Variants in TUSC3 observed in about 807,000 individuals in gnomAD.
TUSC3 encodes the protein dolichyl-diphosphooligosaccharide--protein glycosyltransferase subunit TUSC3.
TUSC3 carries 45 observed loss-of-function variants against 44.8 expected under a neutral mutation model. The observed-to-expected ratio is 1.00, with a 90% confidence interval of 0.79 to 1.29. The LOEUF (loss-of-function observed/expected upper bound fraction) is 1.29, where lower values mean the gene tolerates loss of function less well. Among genes scored for constraint, TUSC3 ranks in the 50% most tolerant of loss-of-function variants. The pLI is 0.00. For synonymous variants in TUSC3, 212 were observed against 152.9 expected (o/e 1.39, Z -2.85); for missense variants, 519 against 437.9 (o/e 1.19, Z -1.65).
chr8:15,584,236 T>C lies in TUSC3; in HGVS notation c.139-38844T>C, dbSNP rs958472265. ...CAATGTGTTGGCGTGTAGTTAGTTA[T>C]AAAATTATCAGTCTCAGCACAACAT... On this transcript the variant is annotated intron_variant, in intron 1 of 10. Transcript: ENST00000503731. Among the ~76,000 whole-genome samples, 42 of 152,344 alleles carry C rather than the reference T, an allele frequency of 2.8e-4. 1 individual carries two copies. The highest frequency in any genetic ancestry group is 8.8e-5 in the Non-Finnish European group (6 of 68,032).
chr8:15,739,569 G>C (rs1352034078), intron 7 of TUSC3, among the ~76,000 whole-genome samples: 1 of 152,110 alleles, frequency 6.6e-6, no homozygotes, highest in African/African-American at 2.4e-5. Flanking sequence ...ATGATTTAAA[G>C]CAGCGTGAAA....
chr8:15,764,092 A>G lies in TUSC3; in HGVS notation c.*47-111A>G, dbSNP rs145862013. 6.3e-4 allele frequency: 703 copies of G among 1,119,302 alleles called. 4 individuals carry two copies. In the African/African-American group the frequency reaches 0.01, roughly 17 times the overall value. The allele number at this position is 1,119,302 out of a possible 1,614,324, so 69.3% of individuals were successfully genotyped here. A position where few individuals can be genotyped will look rare whatever the true frequency, so the allele number is the denominator to read the frequency against. ...AAATTACAATTAGTTGAATACAATT[A>G]TGACATTTTAATGTTATATTTACAT... On this transcript the variant is annotated intron_variant, in intron 10 of 10. Transcript: ENST00000503731.
chr8:15,440,105 C>T (rs1800001212), intron 1 of TUSC3, among the ~76,000 whole-genome samples: 1 of 152,092 alleles, frequency 6.6e-6, no homozygotes, highest in African/African-American at 2.4e-5. Context: ...GAGATAATTG[C>T]CCTGAAAGAA....
intron 1 of TUSC3, among the ~76,000 whole-genome samples, chr8:15,547,402 TA>T (rs1165176350): frequency 6.6e-6 from 1 of 151,692 alleles, no homozygotes; most frequent in Non-Finnish European, 1.5e-5. Flanking sequence ...ACAGTAAAAC[TA>T]AAGGTCATAA....
At chr8:15,563,313 G>A (rs1802546373) in intron 1 of TUSC3, among the ~76,000 whole-genome samples, 1 of 152,092 alleles carries the variant, frequency 6.6e-6, no homozygotes, top group African/African-American at 2.4e-5. Flanking sequence ...GCAATGGTGT[G>A]AACCTGTTAA....
intron 1 of TUSC3, among the ~76,000 whole-genome samples, chr8:15,435,562 C>G (rs929981270): frequency 1.3e-5 from 2 of 152,130 alleles, no homozygotes; most frequent in Non-Finnish European, 2.9e-5. Flanking sequence ...TTTCCAATTT[C>G]CAACATCATG....
chr8:15,729,693 C>A (rs115044169), intron 6 of TUSC3, among the ~76,000 whole-genome samples: 3,396 of 152,022 alleles, frequency 0.022, 97 homozygotes, highest in African/African-American at 0.076. Flanking sequence ...GAACAGTAGA[C>A]CCTGGGGCTT....
intron 6 of TUSC3, among the ~76,000 whole-genome samples, chr8:15,728,997 A>C (rs779111745): frequency 1.3e-5 from 2 of 151,978 alleles, no homozygotes; most frequent in Non-Finnish European, 2.9e-5. Context: ...GGATTTGGTA[A>C]TGGGGGAGTC....
At chr8:15,850,370 T>C in the TUSC3 span, among the ~76,000 whole-genome samples, 1 of 152,214 alleles carries the variant, frequency 6.6e-6, no homozygotes, top group Non-Finnish European at 1.5e-5. Context: ...GTTGATTATA[T>C]AAATGGCTAT....
chr8:15,744,042 T>C (rs909870746), intron 8 of TUSC3, among the ~76,000 whole-genome samples: 3 of 152,188 alleles, frequency 2.0e-5, no homozygotes, highest in African/African-American at 7.2e-5. Context: ...GCATAGGTAT[T>C]GTACAGTGAG....
upstream of TUSC3, among the ~76,000 whole-genome samples, chr8:15,538,588 A>C (rs897932742): frequency 2.0e-5 from 3 of 152,184 alleles, no homozygotes; most frequent in Non-Finnish European, 4.4e-5. Context: ...GTTGTTGTGG[A>C]GCAAGCGTTC....
At chr8:15,479,623 A>G (rs747846210) in intron 1 of TUSC3, among the ~76,000 whole-genome samples, 6 of 152,094 alleles carry the variant, frequency 3.9e-5, no homozygotes, top group Admixed American at 1.3e-4. Context: ...TCAGATGTCT[A>G]TTCTGTTCCA....
chr8:15,728,650 C>A (rs555516201), intron 6 of TUSC3, among the ~76,000 whole-genome samples: 2 of 152,040 alleles, frequency 1.3e-5, no homozygotes, highest in Admixed American at 6.6e-5. Flanking sequence ...TCAGGAGTTT[C>A]GTTTTAGCTG....
At chr8:15,611,900 T>A (rs567019974) in intron 1 of TUSC3, among the ~76,000 whole-genome samples, 1 of 152,346 alleles carries the variant, frequency 6.6e-6, no homozygotes, top group South Asian at 2.1e-4. Flanking sequence ...GAAGATAACT[T>A]TTCTACTAAA....
rs147930070 is a variant in TUSC3 at position 15,482,253 on chromosome 8, C to T, written n.92-1133C>T. On this transcript the variant is annotated intron_variant and non_coding_transcript_variant, in intron 1 of 5. Transcript: ENST00000503191. ...CACAATTCCAGTTAAACTTCCTCCACTGAAGTCTTGAGCCCCTCAATGTCA... is the reference window on the plus strand; with the variant it reads ...CACAATTCCAGTTAAACTTCCTCCATTGAAGTCTTGAGCCCCTCAATGTCA... Among the ~76,000 whole-genome samples the T allele has an allele frequency of 1.8e-3, 278 of 152,330 alleles. 1 individual carries two copies. The highest frequency in any genetic ancestry group is 6.2e-3 in the African/African-American group (259 of 41,592).
intron 9 of TUSC3, among the ~76,000 whole-genome samples, chr8:15,750,230 C>T (rs971645586): frequency 5.9e-5 from 9 of 152,138 alleles, no homozygotes; most frequent in Admixed American, 1.3e-4. Flanking sequence ...CCACCCACCT[C>T]GGCCTCCCAA....
chr8:15,463,539 T>C (rs959771904), intron 1 of TUSC3, among the ~76,000 whole-genome samples: 1 of 152,150 alleles, frequency 6.6e-6, no homozygotes, highest in African/African-American at 2.4e-5. Flanking sequence ...ATCTGGCAAA[T>C]GAATACCTGA....
intron 1 of TUSC3, among the ~76,000 whole-genome samples, chr8:15,439,414 G>T (rs146957884): frequency 2.4e-4 from 36 of 152,242 alleles, no homozygotes; most frequent in African/African-American, 8.7e-4. Flanking sequence ...AACAATAGCT[G>T]AGTGTTGTAG....
chr8:15,725,376 T>G (rs1810458991), intron 6 of TUSC3, among the ~76,000 whole-genome samples: 1 of 152,204 alleles, frequency 6.6e-6, no homozygotes, highest in African/African-American at 2.4e-5. Context: ...TCAAACACGT[T>G]TGTTAGTATC....
Sources: allele counts gnomAD v4.1 joint callset (sites outside exome capture counted in the v4.1 genomes callset), GRCh38; gene constraint gnomAD v4.1.1; transcripts MANE v1.5; gene names NCBI Gene and HGNC (gene_info 2026-07-23, HGNC 2026-07-21).